SPAG16: variants seen among roughly 807,000 people sequenced by gnomAD.
The protein encoded by SPAG16 is sperm-associated antigen 16 protein.
In SPAG16, 86 loss-of-function variants were observed where a neutral mutation model predicts 80.4. The observed-to-expected ratio is 1.07, with a 90% CI of 0.90 to 1.28. The LOEUF (loss-of-function observed/expected upper bound fraction) is 1.28, where lower values mean the gene tolerates loss of function less well. Among genes scored for constraint, SPAG16 ranks in the 50% most tolerant of loss-of-function variants. SPAG16 has a pLI of 0.00. For synonymous variants in SPAG16, 294 were observed against 265.9 expected (o/e 1.11, Z -1.03); for missense variants, 870 against 765.3 (o/e 1.14, Z -1.61).
intron 10 of SPAG16, among the ~76,000 whole-genome samples, chr2:213,619,725 A>G (rs2061708128): frequency 6.6e-6 from 1 of 152,208 alleles, no homozygotes; most frequent in Non-Finnish European, 1.5e-5. Context: ...AATGTAAATT[A>G]GTGCAGTTAT....
chr2:214,093,523 T>C (rs1191085970), intron 13 of SPAG16, among the ~76,000 whole-genome samples: 3 of 146,620 alleles, frequency 2.0e-5, no homozygotes, highest in Non-Finnish European at 4.5e-5. Flanking sequence ...TATGTATATG[T>C]GTATGTTGTG....
At chr2:214,249,590 C>T (rs1439577786) in intron 15 of SPAG16, among the ~76,000 whole-genome samples, 3 of 152,100 alleles carry the variant, frequency 2.0e-5, no homozygotes, top group East Asian at 3.9e-4. Flanking sequence ...CAAGTAAACA[C>T]GATTGACAAT....
At chr2:213,331,056 A>G (rs544842406) in intron 5 of SPAG16, among the ~76,000 whole-genome samples, 8 of 152,186 alleles carry the variant, frequency 5.3e-5, no homozygotes, top group African/African-American at 9.7e-5. Flanking sequence ...ATGTCTATGC[A>G]CAGTGTGAAA....
At chr2:214,369,681 ACT>A (rs1699693375) in intron 15 of SPAG16, among the ~76,000 whole-genome samples, 1 of 152,090 alleles carries the variant, frequency 6.6e-6, no homozygotes, top group African/African-American at 2.4e-5. Context: ...TAGTTAAAAG[ACT>A]CTAAATCATG....
intron 12 of SPAG16, among the ~76,000 whole-genome samples, chr2:213,957,613 G>A (rs537977312): frequency 9.9e-5 from 15 of 152,158 alleles, no homozygotes; most frequent in African/African-American, 3.4e-4. Flanking sequence ...TGATGAAGAA[G>A]CACTTCTGTT....
Position 213,358,449 on chromosome 2 carries a change from T to C in SPAG16, c.763-5627T>C, listed in dbSNP as rs140676837. Among the ~76,000 whole-genome samples, 244 of 152,310 alleles carry C rather than the reference T, an allele frequency of 1.6e-3. 2 individuals carry two copies. In the East Asian group the frequency reaches 0.02, roughly 12 times the overall value. On this transcript the variant is annotated intron_variant, in intron 7 of 15. Coordinates refer to ENST00000331683, the MANE Select transcript of SPAG16 (RefSeq NM_024532.5). ...AGTGCCATATTTCTTGGAGGCTTTG[T>C]TCATTTCTTTTTACTCTTTTTCTCT...
intron 9 of SPAG16, among the ~76,000 whole-genome samples, chr2:213,416,825 G>T (rs2125416937): frequency 6.6e-6 from 1 of 152,282 alleles, no homozygotes; most frequent in East Asian, 1.9e-4. Flanking sequence ...AGTAAACCAT[G>T]CTAACTGGGA....
At chr2:213,322,416 C>G (rs1227870515) in intron 5 of SPAG16, among the ~76,000 whole-genome samples, 1 of 144,618 alleles carries the variant, frequency 6.9e-6, no homozygotes, top group East Asian at 2.1e-4. Flanking sequence ...ACTTTAACAT[C>G]TTGCAGTCTG....
chr2:214,126,561 T>C (rs2054507770), intron 14 of SPAG16, among the ~76,000 whole-genome samples: 1 of 151,800 alleles, frequency 6.6e-6, no homozygotes, highest in Non-Finnish European at 1.5e-5. Flanking sequence ...TCTCTGAATT[T>C]ATGTGACTGT....
intron 14 of SPAG16, among the ~76,000 whole-genome samples, chr2:214,141,823 T>C (rs543886935): frequency 6.6e-6 from 1 of 152,314 alleles, no homozygotes; most frequent in East Asian, 1.9e-4. Context: ...TCGTCCATAA[T>C]ATCCCACATT....
intron 15 of SPAG16, among the ~76,000 whole-genome samples, chr2:214,274,301 G>T (rs527343522): frequency 1.3e-5 from 2 of 152,256 alleles, no homozygotes; most frequent in Admixed American, 1.3e-4. Context: ...TCTCCTGCCT[G>T]ATTGCCCTGG....
chr2:213,790,247 T>C (rs1283809006), intron 10 of SPAG16, among the ~76,000 whole-genome samples: 4 of 151,948 alleles, frequency 2.6e-5, no homozygotes, highest in East Asian at 1.9e-4. Flanking sequence ...CTCTCCACGA[T>C]AGTTTCCAAA....
intron 10 of SPAG16, among the ~76,000 whole-genome samples, chr2:213,670,870 A>G (rs2063790705): frequency 6.6e-6 from 1 of 152,250 alleles, no homozygotes; most frequent in Admixed American, 6.5e-5. Context: ...AAATTACAGC[A>G]GAATTAAAAT....
At chr2:213,868,376 G>A (rs530876209) in intron 11 of SPAG16, among the ~76,000 whole-genome samples, 4 of 152,104 alleles carry the variant, frequency 2.6e-5, no homozygotes, top group African/African-American at 7.2e-5. Flanking sequence ...AAAAAATACA[G>A]TGGTTGAACT....
Position 213,469,420 on chromosome 2 carries a change from A to G in SPAG16, c.943-20543A>G, listed in dbSNP as rs111566384. Among the ~76,000 whole-genome samples, 1,284 of 152,270 alleles carry G rather than the reference A, an allele frequency of 8.4e-3. 17 individuals carry two copies. The highest frequency in any genetic ancestry group is 0.029 in the African/African-American group (1,197 of 41,552). ...TTAGTACAGGTGTATACATGCACAA[A>G]CATGTTTTTAATGAAAGAAGGAGGA... On this transcript the variant is annotated intron_variant, in intron 9 of 15. Transcript: ENST00000331683.
intron 10 of SPAG16, among the ~76,000 whole-genome samples, chr2:213,613,677 G>A (rs892393232): frequency 1.3e-5 from 2 of 151,984 alleles, no homozygotes; most frequent in Non-Finnish European, 2.9e-5. Flanking sequence ...TTTTAGTTAG[G>A]TTTATTGTTC....
At chr2:213,936,189 T>C (rs2078981824) in intron 12 of SPAG16, among the ~76,000 whole-genome samples, 1 of 152,058 alleles carries the variant, frequency 6.6e-6, no homozygotes, top group Non-Finnish European at 1.5e-5. Context: ...CCTATGGTGG[T>C]AGCATGACCC....
At chr2:213,851,951 G>A (rs1336916410) in intron 10 of SPAG16, among the ~76,000 whole-genome samples, 1 of 152,180 alleles carries the variant, frequency 6.6e-6, no homozygotes, top group East Asian at 1.9e-4. Flanking sequence ...AAAACTTAAA[G>A]TGCTAGGGAA....
intron 10 of SPAG16, among the ~76,000 whole-genome samples, chr2:213,560,212 A>G (rs2059560415): frequency 6.6e-6 from 1 of 152,136 alleles, no homozygotes; most frequent in Admixed American, 6.6e-5. Context: ...GATCTCAGCA[A>G]AATTCTAGGG....
Sources: allele counts gnomAD v4.1 joint callset (sites outside exome capture counted in the v4.1 genomes callset), GRCh38; gene constraint gnomAD v4.1.1; transcripts MANE v1.5; gene names NCBI Gene and HGNC (gene_info 2026-07-23, HGNC 2026-07-21).